Variants in SEMA3D observed in about 807,000 individuals in gnomAD.
The protein encoded by SEMA3D is semaphorin 3D.
In SEMA3D, 84 loss-of-function variants were observed where a neutral mutation model predicts 100.1. The observed-to-expected ratio is 0.84, with a 90% confidence interval of 0.70 to 1.01. The LOEUF is 1.01. Ranked by LOEUF, SEMA3D falls within the 50% of genes least tolerant of loss-of-function variation. The pLI is 0.00. For missense variants in SEMA3D, 875 were observed against 934.1 expected (o/e 0.94, Z 0.82); for synonymous variants, 312 against 320.7 (o/e 0.97, Z 0.29).
intron 1 of SEMA3D, among the ~76,000 whole-genome samples, chr7:85,173,763 T>TA (rs1387055893): frequency 5.3e-5 from 8 of 152,278 alleles, no homozygotes; most frequent in South Asian, 2.1e-4. Flanking sequence ...GAACTCCAAT[T>TA]AAAAAATGGG....
At chr7:85,073,982 T>A (rs1791849646) in intron 5 of SEMA3D, among the ~76,000 whole-genome samples, 1 of 152,142 alleles carries the variant, frequency 6.6e-6, no homozygotes, top group Non-Finnish European at 1.5e-5. Flanking sequence ...TGGCTCTCTC[T>A]CTTTTTAGAG....
chr7:85,149,610 T>A (rs1790309642), intron 2 of SEMA3D, among the ~76,000 whole-genome samples: 1 of 152,158 alleles, frequency 6.6e-6, no homozygotes, highest in Non-Finnish European at 1.5e-5. Context: ...TAGGGAATAT[T>A]TGCCATAATG....
At chr7:85,210,764 C>T in the SEMA3D span, among the ~76,000 whole-genome samples, 704 of 152,004 alleles carry the variant, frequency 4.6e-3, 2 homozygotes, top group African/African-American at 0.016. Context: ...TTAGGCTATC[C>T]CAATTATTAT....
At chr7:85,099,927 T>C (rs541780789) in intron 3 of SEMA3D, among the ~76,000 whole-genome samples, 4 of 152,156 alleles carry the variant, frequency 2.6e-5, no homozygotes, top group East Asian at 1.9e-4. Context: ...TTTTGGATTA[T>C]AGTCTTTCAT....
chr7:85,137,613 G>T (rs1291046159), intron 2 of SEMA3D, among the ~76,000 whole-genome samples: 1 of 151,986 alleles, frequency 6.6e-6, no homozygotes, highest in East Asian at 1.9e-4. Context: ...TGGTATTCTG[G>T]ACTTGACCCA....
intron 12 of SEMA3D, among the ~76,000 whole-genome samples, chr7:85,033,893 A>ACACACACACACACACAC (rs1554334960): frequency 6.7e-6 from 1 of 149,458 alleles, no homozygotes; most frequent in African/African-American, 2.5e-5. Flanking sequence ...ACACACACAC[A>ACACACACACACACACAC]ATCTCCCAGG....
At chr7:85,000,720 T>C (rs1789633395) in intron 18 of SEMA3D, among the ~76,000 whole-genome samples, 2 of 152,220 alleles carry the variant, frequency 1.3e-5, no homozygotes, top group Non-Finnish European at 2.9e-5. Flanking sequence ...CTCCAGCCTT[T>C]GAAGCATTAT....
intron 1 of SEMA3D, among the ~76,000 whole-genome samples, chr7:85,168,617 ATTTTTTTTTTT>A (rs3076565): frequency 1.5e-5 from 2 of 135,356 alleles, no homozygotes; most frequent in East Asian, 2.1e-4. Context: ...GGTTTCTGCA[ATTTTTTTTTTT>A]TTTTTTTTTT....
chr7:85,227,555 T>C, the SEMA3D span, among the ~76,000 whole-genome samples: 3 of 152,152 alleles, frequency 2.0e-5, no homozygotes, highest in African/African-American at 4.8e-5. Flanking sequence ...AAAATAAATT[T>C]CAGTTGTTTA....
chr7:85,162,790 C>G (rs1790781722), intron 1 of SEMA3D, among the ~76,000 whole-genome samples: 11 of 152,080 alleles, frequency 7.2e-5, no homozygotes, highest in Admixed American at 7.2e-4. Flanking sequence ...CAACGTCTTC[C>G]TAAATGCACC....
chr7:85,129,488 G>A (rs1789665158), intron 2 of SEMA3D, among the ~76,000 whole-genome samples: 1 of 152,022 alleles, frequency 6.6e-6, no homozygotes, highest in Non-Finnish European at 1.5e-5. Flanking sequence ...TTATCAGACT[G>A]TGAGATGAGG....
At chr7:85,119,220 A>T (rs1162169253) in intron 3 of SEMA3D, among the ~76,000 whole-genome samples, 1 of 152,206 alleles carries the variant, frequency 6.6e-6, no homozygotes, top group African/African-American at 2.4e-5. Context: ...TTTCTCAAAG[A>T]TCTAAAGACA....
At chr7:85,047,309 C>A (rs1791037409) in intron 9 of SEMA3D, among the ~76,000 whole-genome samples, 2 of 151,800 alleles carry the variant, frequency 1.3e-5, no homozygotes, top group African/African-American at 2.4e-5. Flanking sequence ...ATAGGTAGAT[C>A]AGACCTAAAG....
chr7:85,006,086 A>T lies in SEMA3D; in HGVS notation c.1908+716T>A, dbSNP rs551708591. ...TACCCTTTCCTGATCCACATGTAAA[A>T]TACCCTCACTAATAGGGTATCTGTA... On this transcript the variant is annotated intron_variant, in intron 18 of 18. Coordinates refer to ENST00000284136, the MANE Select transcript of SEMA3D (RefSeq NM_001384900.1). 7.2e-5 allele frequency among the ~76,000 whole-genome samples: 11 copies of T among 152,156 alleles called. No individual in the cohort carries two copies. The South Asian group carries it at 2.1e-3, about 29-fold the overall frequency.
At chr7:85,089,356 A>T (rs1378377679) in intron 4 of SEMA3D, among the ~76,000 whole-genome samples, 2 of 152,056 alleles carry the variant, frequency 1.3e-5, no homozygotes, top group Non-Finnish European at 2.9e-5. Flanking sequence ...TTTTATTATC[A>T]TCTCCCCAGA....
chr7:85,231,487 A>T, the SEMA3D span, among the ~76,000 whole-genome samples: 1 of 89,088 alleles, frequency 1.1e-5, no homozygotes, highest in Non-Finnish European at 1.8e-5. Flanking sequence ...TCGCTCTGTC[A>T]CCCAGGCTGG....
chr7:85,049,381 A>G (rs1176126583), intron 9 of SEMA3D, among the ~76,000 whole-genome samples: 1 of 151,856 alleles, frequency 6.6e-6, no homozygotes, highest in African/African-American at 2.4e-5. Flanking sequence ...CATAAAAATT[A>G]TTGGAAATAC....
At chr7:85,110,061 C>T (rs769057764) in intron 3 of SEMA3D, among the ~76,000 whole-genome samples, 3 of 151,972 alleles carry the variant, frequency 2.0e-5, no homozygotes, top group African/African-American at 7.2e-5. Context: ...GCTGAGCTCT[C>T]TTTTACCCTG....
chr7:85,065,668 T>C, intron 7 of SEMA3D, 116 bp from the exon 8 acceptor site: 2 of 727,072 alleles, frequency 2.8e-6, no homozygotes, highest in East Asian at 5.5e-5. Context: ...TATCAGAATG[T>C]ATTGTTTCAT....
Sources: gnomAD v4.1 joint callset for allele counts (sites outside exome capture counted in the v4.1 genomes callset) on GRCh38, gnomAD v4.1.1 for gene constraint, MANE v1.5 for transcripts, NCBI Gene and HGNC (gene_info 2026-07-23, HGNC 2026-07-21) for gene names.